Variants in NSUN5 observed in about 807,000 individuals in gnomAD.
NSUN5 encodes the protein 28S rRNA (cytosine-C(5))-methyltransferase.
In NSUN5, 39 loss-of-function variants were observed where a neutral mutation model predicts 51.1. The ratio of observed to expected loss-of-function variants is 0.76; its 90% CI spans 0.59 to 1.00. The LOEUF (loss-of-function observed/expected upper bound fraction) is 1.00. Among genes scored for constraint, NSUN5 ranks in the 50% least tolerant of loss-of-function variants. The probability of loss-of-function intolerance (pLI) is 0.00; values close to 1 mark genes in which losing one functional copy is unlikely to be tolerated. For synonymous variants in NSUN5, 266 were observed against 271.5 expected, an observed-to-expected ratio of 0.98 and a Z score of 0.20; for missense variants, 526 against 614.0, an observed-to-expected ratio of 0.86 and a Z score of 1.51.
At position 73,307,686 on chromosome 7, in the gene NSUN5, G is replaced by A. The variant is rs578250872; in HGVS notation, c.288C>T (p.Gly96=). 2.5e-6 allele frequency: 4 copies of A among 1,610,668 alleles called. 1 individual carries two copies. The East Asian group carries it at 9.0e-5, about 36-fold the overall frequency. The change falls in exon 3 of 10, where the codon GGC becomes GGT. Residue 96 remains glycine, a synonymous_variant. Transcript: ENST00000438747. The part of the protein sequence containing the change: ...GGGGRWKALL[G]RHQARLKAEL... ...CAGCCTTGAGCCTCGCCTGGTGCCGGCCCAACAGAGCCTTCCATCGGCCCC... is the reference window on the plus strand; with the variant it reads ...CAGCCTTGAGCCTCGCCTGGTGCCGACCCAACAGAGCCTTCCATCGGCCCC...
chr7:73,303,136 T>C lies in NSUN5; in HGVS notation c.*279A>G, dbSNP rs1194511736. 9.3e-5 allele frequency: 134 copies of C among 1,438,968 alleles called. No homozygotes were observed. The highest frequency in any genetic ancestry group is 1.2e-4 in the Non-Finnish European group (128 of 1,100,514). The allele number at this position is 1,438,968 out of a possible 1,614,324, so 89.1% of individuals were successfully genotyped here. On this transcript the variant is annotated 3_prime_UTR_variant, in exon 10 of 10. Coordinates refer to ENST00000438747, the MANE Select transcript of NSUN5 (RefSeq NM_148956.4). ...GGGACTTTCCATTACAAATAGAGAC[T>C]TCATTCCTGTTGAGTCTAGTTGGAA...
chr7:73,308,220 C>T, intron 2 of NSUN5: 1 of 636,566 alleles, frequency 1.6e-6, no homozygotes, highest in Non-Finnish European at 2.5e-6. Context: ...TCCGCCACTA[C>T]CACTTTGTAC....
intron 4 of NSUN5, among the ~76,000 whole-genome samples, 166 bp downstream of exon 4, chr7:73,307,228 G>A (rs1384945979): frequency 2.6e-5 from 4 of 152,112 alleles, no homozygotes; most frequent in Non-Finnish European, 5.9e-5. Context: ...GCTCCTAGGA[G>A]TTCGATGTTT....
At chr7:73,304,656 C>T (rs1398725647) in intron 6 of NSUN5, 91 bp downstream of exon 6, 23 of 1,166,228 alleles carry the variant, frequency 2.0e-5, no homozygotes, top group Non-Finnish European at 2.8e-5. Context: ...GCAAGAAAGA[C>T]TTAAGCGAAA....
intron 1 of NSUN5, 53 bp downstream of exon 1, chr7:73,308,645 C>G (rs1368810359): frequency 6.3e-7 from 1 of 1,591,916 alleles, no homozygotes; most frequent in Non-Finnish European, 8.6e-7. Context: ...CCGTCCGACC[C>G]CACCCCGGGT....
rs1554541961 is a variant in NSUN5, at chr7:73,307,447, A to G, written c.447T>C (p.Asp149=). Residue 149 remains aspartate, a synonymous_variant, in exon 4 of 10, where the codon GAT becomes GAC. Transcript: ENST00000438747. ...RVNTLKTCSD[D]VVDYFKRQGF... ...CTTGTCTCTTGAAATAATCAACTAC[A>G]TCATCGGAGCAGGTCTTGAGAGTGT... 14 of 1,614,140 alleles carry G rather than the reference A, an allele frequency of 8.7e-6. No individual in the cohort carries two copies. The highest frequency in any genetic ancestry group is 1.2e-5 in the Non-Finnish European group (14 of 1,180,016).
chr7:73,308,290 C>T, intron 2 of NSUN5, 141 bp downstream of exon 2: 3 of 1,044,280 alleles, frequency 2.9e-6, no homozygotes, highest in Non-Finnish European at 4.1e-6. Context: ...CATCTTAATT[C>T]GTAACCCAGG....
rs1804037295 is a variant in NSUN5 at position 73,306,328 on chromosome 7, G to T, written c.500+1066C>A. On this transcript the variant is annotated intron_variant, in intron 4 of 9. Coordinates refer to ENST00000438747, the MANE Select transcript of NSUN5 (RefSeq NM_148956.4). ...GAACCCAGGAGGCAGAGGTTGCAGTGAGCCGAGATTGCGCCATTGCACTCC... is the reference window on the plus strand; with the variant it reads ...GAACCCAGGAGGCAGAGGTTGCAGTTAGCCGAGATTGCGCCATTGCACTCC... 4.3e-5 allele frequency among the ~76,000 whole-genome samples: 6 copies of T among 139,964 alleles called. No homozygotes were observed. In the Admixed American group the frequency reaches 4.5e-4, roughly 11 times the overall value. 91.8% of individuals were successfully genotyped at this position (139,964 alleles called of 152,430 possible).
intron 1 of NSUN5, 45 bp downstream of exon 1, chr7:73,308,653 G>C: frequency 6.7e-7 from 1 of 1,502,998 alleles, no homozygotes; most frequent in Non-Finnish European, 9.0e-7. Flanking sequence ...CCCCACCCCG[G>C]GTTCCTCACT....
rs782744197 is a variant in NSUN5 at position 73,303,835 on chromosome 7, C to T, written c.1136G>A (p.Gly379Asp). ...GGCGCCCGCCCTGTACCTGAAGGCG[C>T]CCGGGTTCTGCTGCAGCGCATCTCG... Reference protein sequence around the residue: ...VVRDALQQNPGAFRLAPALPA... With the variant: ...VVRDALQQNPDAFRLAPALPA... Residue 379 changes from glycine to aspartate, a missense_variant, in exon 8 of 10, where the codon GGC (glycine) becomes GAC (aspartate). Gly to Asp is a moderately conservative substitution (Grantham distance 94). Transcript: ENST00000438747. 6 of 1,613,880 alleles carry T rather than the reference C, an allele frequency of 3.7e-6. No homozygotes were observed. In the East Asian group the frequency reaches 1.3e-4, roughly 36 times the overall value.
Position 73,304,294 on chromosome 7 carries a change from G to C in NSUN5, c.870C>G (p.Ser290=), listed in dbSNP as rs781962492. ...CCTCATGGTAGCGTGGATCCGAGGG[G>C]GAGACCGCCAGGAAGTCCTCCTCAG... is the stretch of plus-strand genomic sequence containing the variant. The part of the protein sequence containing the change: ...ELAEEDFLAV[S]PSDPRYHEVH... Residue 290 remains serine (S), a synonymous_variant, in exon 7 of 10, where the codon TCC becomes TCG. Transcript: ENST00000438747. 2 of 1,614,188 alleles carry C rather than the reference G, an allele frequency of 1.2e-6. No individual in the cohort carries two copies. Among genetic ancestry groups the C allele is most frequent in the Non-Finnish European group, 1.7e-6 (2 of 1,180,034 alleles).
chr7:73,305,693 G>C (rs568929955), intron 4 of NSUN5, among the ~76,000 whole-genome samples: 1 of 152,042 alleles, frequency 6.6e-6, no homozygotes, highest in African/African-American at 2.4e-5. Flanking sequence ...GAGGCGCTTA[G>C]GTTAAAACTA....
rs1554541349 is a variant in NSUN5 at position 73,303,994 on chromosome 7, G to T, written c.977C>A (p.Pro326His). ...RQLEEPGAGT[P>H]SPVRLHALAG... ...CAGGGCATGCAGACGCACCGGGCTA[G>T]GTGTGCCTGCCCCGGGCTCCTCCAG... Residue 326 changes from proline to histidine, a missense_variant, in exon 8 of 10, where the codon CCT becomes CAT. Physicochemically the swap from Pro to His is moderately conservative, Grantham distance 77. Transcript: ENST00000438747. The T allele has an allele frequency of 6.2e-7, 1 of 1,614,034 alleles. No individual in the cohort carries two copies. The highest frequency in any genetic ancestry group is 2.2e-5 in the East Asian group (1 of 44,898).
chr7:73,304,997 G>C lies in NSUN5; in HGVS notation c.601C>G (p.Pro201Ala). The stretch of plus-strand genomic sequence containing the variant: ...ATGAGGTGTCCGGCCCGGTACAGTG[G>C]GTGTTCATGCAGATCTGTCTGGGCG... Reference protein sequence around the residue: ...FPAQTDLHEHPLYRAGHLILQ... With the variant: ...FPAQTDLHEHALYRAGHLILQ... Residue 201 changes from proline to alanine, a missense_variant, in exon 5 of 10, where the codon CCA becomes GCA. Coordinates refer to ENST00000438747, the MANE Select transcript of NSUN5 (RefSeq NM_148956.4). 1.9e-6 allele frequency: 3 copies of C among 1,611,554 alleles called. No individual in the cohort carries two copies. The highest frequency in any genetic ancestry group is 2.5e-6 in the Non-Finnish European group (3 of 1,178,226).
In NSUN5 at chr7:73,308,681, G is replaced by A; in HGVS notation, c.93+17C>T. On this transcript the variant is annotated intron_variant, in intron 1 of 9. Coordinates refer to ENST00000438747, the MANE Select transcript of NSUN5 (RefSeq NM_148956.4). ...TCCTCACTCCCCACCCCTACTACTC[G>A]CGCCCAGGTCCGCTACCTGGAAGTT... 1 of 1,567,530 alleles carries A rather than the reference G, an allele frequency of 6.4e-7. No individual in the cohort carries two copies. The highest frequency in any genetic ancestry group is 1.8e-5 in the Admixed American group (1 of 56,958).
chr7:73,307,434 A>C lies in NSUN5; in HGVS notation c.460T>G (p.Phe154Val). 1 of 1,614,156 alleles carries C rather than the reference A, an allele frequency of 6.2e-7. No individual in the cohort carries two copies. The highest frequency in any genetic ancestry group is 1.3e-5 in the African/African-American group (1 of 75,042). ...TGATAGGAGAAACCTTGTCTCTTGA[A>C]ATAATCAACTACATCATCGGAGCAG... The part of the protein sequence containing the change: ...KTCSDDVVDY[F>V]KRQGFSYQGR... The change falls in exon 4 of 10, where the codon TTC becomes GTC. Residue 154 changes from phenylalanine (F) to valine (V), a missense_variant. Coordinates refer to ENST00000438747, the MANE Select transcript of NSUN5 (RefSeq NM_148956.4).
chr7:73,305,094 G>C lies in NSUN5; in HGVS notation c.504C>G (p.Leu168=), dbSNP rs1554541644. 3 of 1,609,876 alleles carry C rather than the reference G, an allele frequency of 1.9e-6. No individual in the cohort carries two copies. The highest frequency in any genetic ancestry group is 2.5e-6 in the Non-Finnish European group (3 of 1,177,424). Reference sequence around the variant, plus strand: ...TCCCCTTGAGGGCTCGTAAGTCATCGAGGCTGCCAGGGAAGAACCATTCAT... The same window carrying C: ...TCCCCTTGAGGGCTCGTAAGTCATCCAGGCTGCCAGGGAAGAACCATTCAT... ...GFSYQGRASS[L]DDLRALKGKH... Residue 168 remains leucine (L), a synonymous_variant, in exon 5 of 10, where the codon CTC becomes CTG. Transcript: ENST00000438747.
In NSUN5 at chr7:73,303,082, G is replaced by A; in HGVS notation, c.*333C>T. 4 of 1,402,246 alleles carry A rather than the reference G, an allele frequency of 2.9e-6. No homozygotes were observed. The highest frequency in any genetic ancestry group is 3.7e-6 in the Non-Finnish European group (4 of 1,080,094). 86.9% of individuals were successfully genotyped at this position (1,402,246 alleles called of 1,614,324 possible). On this transcript the variant is annotated 3_prime_UTR_variant, in exon 10 of 10. Transcript: ENST00000438747. ...GTGAGTGTGAGTGTGGATGTGTACAGTACACGCACTGGACGGCAGCGGGAG... is the reference window on the plus strand; with the variant it reads ...GTGAGTGTGAGTGTGGATGTGTACAATACACGCACTGGACGGCAGCGGGAG...
Position 73,303,724 on chromosome 7 carries a change from G to C in NSUN5, c.1162C>G (p.Pro388Ala). The C allele has an allele frequency of 6.2e-7, 1 of 1,614,062 alleles. No individual in the cohort carries two copies. The highest frequency in any genetic ancestry group is 8.5e-7 in the Non-Finnish European group (1 of 1,179,988). Reference sequence around the variant, plus strand: ...CTCAGGCCTCGGTGGGGCCAGGCAGGCAGGGCGGGAGCTAGCCTGCAAGAG... The same window carrying C: ...CTCAGGCCTCGGTGGGGCCAGGCAGCCAGGGCGGGAGCTAGCCTGCAAGAG... The part of the protein sequence containing the change: ...PGAFRLAPAL[P>A]AWPHRGLSTF... Residue 388 changes from proline to alanine, a missense_variant, in exon 9 of 10, where the codon CCT becomes GCT. Pro to Ala is a conservative substitution (Grantham distance 27). Coordinates refer to ENST00000438747, the MANE Select transcript of NSUN5 (RefSeq NM_148956.4).
Sources: gnomAD v4.1 joint callset for allele counts (sites outside exome capture counted in the v4.1 genomes callset) on GRCh38, gnomAD v4.1.1 for gene constraint, MANE v1.5 for transcripts, NCBI Gene and HGNC (gene_info 2026-07-23, HGNC 2026-07-21) for gene names.